Variants in CELSR2 observed in about 807,000 individuals in gnomAD.
CELSR2 encodes the protein EGF-like protein 2.
Under a neutral mutation model 251.6 loss-of-function variants are expected in CELSR2, and 81 were observed. That is an observed-to-expected ratio of 0.32 (90% CI 0.27 to 0.39). The LOEUF (loss-of-function observed/expected upper bound fraction) is 0.39. Ranked by LOEUF, CELSR2 falls within the 10% of genes least tolerant of loss-of-function variation. The pLI, the probability that CELSR2 is intolerant of heterozygous loss-of-function variation, is 1.00. For missense variants in CELSR2, 3,365 were observed against 3,947.7 expected, an observed-to-expected ratio of 0.85 and a Z score of 3.96; for synonymous variants, 1,721 against 1,670.5, an observed-to-expected ratio of 1.03 and a Z score of -0.74.
chr1:109,266,238 G>T, intron 15 of CELSR2, 32 bp downstream of exon 15: 1 of 1,610,898 alleles, frequency 6.2e-7, no homozygotes. Flanking sequence ...GTGATGTCGA[G>T]GACATGGCCT....
chr1:109,250,832 C>T lies in CELSR2; in HGVS notation c.753C>T (p.Thr251=), dbSNP rs1432392172. ...VTTAEELDRE[T]KSTHVFRVTA... is the part of the protein sequence containing the mutation. The stretch of plus-strand genomic sequence containing the variant: ...CAGCCGAGGAGCTGGATCGTGAGAC[C>T]AAGAGCACCCACGTCTTCAGGGTCA... Residue 251 remains threonine (T), a synonymous_variant, in exon 1 of 34, where the codon ACC becomes ACT. Transcript: ENST00000271332. This position sits in a 1 kb window ranked among gnomAD's most constrained non-coding sequence, Gnocchi z 4.4. The T allele has an allele frequency of 6.2e-7, 1 of 1,614,054 alleles. No homozygotes were observed. Among genetic ancestry groups the T allele is most frequent in the East Asian group, 2.2e-5 (1 of 44,892 alleles).
Position 109,273,222 on chromosome 1 carries a change from A to C in CELSR2, c.8395A>C (p.Lys2799Gln). ...GCCAGGAGACTTTGGGACCACAGCA[A>C]AAGAGAGTAGTGGCAACGGGGCCCC... is the stretch of plus-strand genomic sequence containing the variant. ...PWPGDFGTTA[K>Q]ESSGNGAPEE... The change falls in exon 32 of 34, where the codon AAA (lysine) becomes CAA (glutamine). Residue 2799 changes from lysine to glutamine, a missense_variant. Coordinates refer to ENST00000271332, the MANE Select transcript of CELSR2 (RefSeq NM_001408.3). 1 of 1,613,660 alleles carries C rather than the reference A, an allele frequency of 6.2e-7. No individual in the cohort carries two copies. Among genetic ancestry groups the C allele is most frequent in the Non-Finnish European group, 8.5e-7 (1 of 1,179,838 alleles).
rs367692871 is a variant in CELSR2, at chr1:109,273,468, A to T, written c.8542A>T (p.Ser2848Cys). 7.3e-5 allele frequency: 118 copies of T among 1,612,252 alleles called. No individual in the cohort carries two copies. Among genetic ancestry groups the T allele is most frequent in the Non-Finnish European group, 9.7e-5 (114 of 1,179,528 alleles). ...ILKKKCLPTI[S>C]EKSSLLRLPL... ...TAAGAAGAAGTGTCTGCCCACCATC[A>T]GCGAGAAGAGCAGCCTCCTGCGGCT... Residue 2848 changes from serine to cysteine, a missense_variant, in exon 33 of 34, where the codon AGC becomes TGC. Physicochemically the swap from Ser to Cys is moderately radical, Grantham distance 112 (BLOSUM62 -1). Transcript: ENST00000271332.
At position 109,253,200 on chromosome 1, in the gene CELSR2, T is replaced by C; in HGVS notation, c.3121T>C (p.Phe1041Leu). The stretch of plus-strand genomic sequence containing the variant: ...CTATGTCACCAATCGCTCAAGCAGC[T>C]TCCCTGGGGGTGCCATTGGCCGAGT... ...NNYVTNRSSS[F>L]PGGAIGRVPA... The change falls in exon 1 of 34, where the codon TTC (phenylalanine) becomes CTC (leucine). Residue 1041 changes from phenylalanine to leucine, a missense_variant. Physicochemically the swap from Phe to Leu is conservative, Grantham distance 22. Around this residue, in one of 5 missense-constraint regions of CELSR2, gnomAD observed 505 missense variants for 660.0 expected, o/e 0.77. Transcript: ENST00000271332. 2 of 1,613,610 alleles carry C rather than the reference T, an allele frequency of 1.2e-6. No homozygotes were observed. Among genetic ancestry groups the C allele is most frequent in the Non-Finnish European group, 1.7e-6 (2 of 1,180,034 alleles).
Position 109,270,607 on chromosome 1 carries a change from C to T in CELSR2, c.7483+7C>T. The T allele has an allele frequency of 6.2e-7, 1 of 1,611,314 alleles. No homozygotes were observed. Among genetic ancestry groups the T allele is most frequent in the Non-Finnish European group, 8.5e-7 (1 of 1,178,718 alleles). On this transcript the variant is annotated splice_region_variant and intron_variant, in intron 24 of 33. Transcript: ENST00000271332. Reference sequence around the variant, plus strand: ...GTGCCTGCCTTCATCACAGGTACTCCCACCCATTCCCAGTCTTGGGGTCCC... The same window carrying T: ...GTGCCTGCCTTCATCACAGGTACTCTCACCCATTCCCAGTCTTGGGGTCCC...
chr1:109,269,354 AG>A lies in CELSR2; in HGVS notation c.6813-65del. ...TCGGGCGGTGAGTGCTGAGGCATGGAGGGGGTCGGGGGCGTCTCCCCAGTCA... is the reference window on the plus strand; with the variant it reads ...TCGGGCGGTGAGTGCTGAGGCATGGAGGGGTCGGGGGCGTCTCCCCAGTCA... On this transcript the variant is annotated intron_variant, in intron 20 of 33. Transcript: ENST00000271332. The surrounding 1 kb of genome is among the most constrained non-coding windows in gnomAD (Gnocchi z 6.4). 4 of 1,609,222 alleles carry A rather than the reference AG, an allele frequency of 2.5e-6. No homozygotes were observed. The highest frequency in any genetic ancestry group is 3.4e-6 in the Non-Finnish European group (4 of 1,177,520).
In CELSR2 at chr1:109,269,120, C is replaced by T. The variant is rs369285532; in HGVS notation, c.6642C>T (p.Pro2214=). ...LPESVFRETP[P]VVRPAGPGEA... is the part of the protein sequence containing the mutation. ...AGTGTCCCCTCCCAGAGACGCCCCC[C>T]GTGGTCAGGCCCGCAGGCCCCGGAG... The change falls in exon 20 of 34, where the codon CCC becomes CCT. Residue 2214 remains proline, a synonymous_variant. Coordinates refer to ENST00000271332, the MANE Select transcript of CELSR2 (RefSeq NM_001408.3). This position sits in a 1 kb window ranked among gnomAD's most constrained non-coding sequence, Gnocchi z 6.4. 159 of 1,601,132 alleles carry T rather than the reference C, an allele frequency of 9.9e-5. No homozygotes were observed. Among genetic ancestry groups the T allele is most frequent in the Middle Eastern group, 6.6e-4 (4 of 6,026 alleles).
At position 109,249,761 on chromosome 1, in the gene CELSR2, C is replaced by G. The variant is rs1398041965; in HGVS notation, c.-319C>G. Among the ~76,000 whole-genome samples, 1 of 149,544 alleles carries G rather than the reference C, an allele frequency of 6.7e-6. No individual in the cohort carries two copies. Among genetic ancestry groups the G allele is most frequent in the Admixed American group, 6.7e-5 (1 of 15,026 alleles). Reference sequence around the variant, plus strand: ...CACCCCGGCTCCGGAACCCGGGGCCCGGCAAGGCCAGGGGCGCCGCGGGGC... The same window carrying G: ...CACCCCGGCTCCGGAACCCGGGGCCGGGCAAGGCCAGGGGCGCCGCGGGGC... On this transcript the variant is annotated 5_prime_UTR_variant, in exon 1 of 34. Coordinates refer to ENST00000271332, the MANE Select transcript of CELSR2 (RefSeq NM_001408.3).
At chr1:109,264,685 G>A in intron 11 of CELSR2, 57 bp downstream of exon 11, 2 of 1,591,022 alleles carry the variant, frequency 1.3e-6, no homozygotes, top group Non-Finnish European at 1.7e-6. Flanking sequence ...GCCACATGCT[G>A]GCTCTGCTGT....
chr1:109,269,116 C>A lies in CELSR2; in HGVS notation c.6638C>A (p.Pro2213His). 1 of 1,600,382 alleles carries A rather than the reference C, an allele frequency of 6.2e-7. No individual in the cohort carries two copies. Among genetic ancestry groups the A allele is most frequent in the Non-Finnish European group, 8.5e-7 (1 of 1,172,906 alleles). The change falls in exon 20 of 34, where the codon CCC (proline) becomes CAC (histidine). Residue 2213 changes from proline (P) to histidine (H), a missense_variant. Physicochemically the swap from Pro to His is moderately conservative, Grantham distance 77. Coordinates refer to ENST00000271332, the MANE Select transcript of CELSR2 (RefSeq NM_001408.3). The surrounding 1 kb of genome is among the most constrained non-coding windows in gnomAD (Gnocchi z 6.4). ...ILPESVFRET[P>H]PVVRPAGPGE... ...TGACAGTGTCCCCTCCCAGAGACGC[C>A]CCCCGTGGTCAGGCCCGCAGGCCCC...
chr1:109,269,175 C>A lies in CELSR2; in HGVS notation c.6697C>A (p.Arg2233=). ...EAQEPEELAR[R]QRRHPELSQG... The stretch of plus-strand genomic sequence containing the variant: ...CCAGGAGCCAGAGGAGCTGGCACGG[C>A]GACAGCGACGGCACCCGGAGCTGAG... The change falls in exon 20 of 34, where the codon CGA becomes AGA. Residue 2233 remains arginine (R), a synonymous_variant. Coordinates refer to ENST00000271332, the MANE Select transcript of CELSR2 (RefSeq NM_001408.3). The surrounding 1 kb of genome is among the most constrained non-coding windows in gnomAD (Gnocchi z 6.4). The A allele has an allele frequency of 6.2e-7, 1 of 1,612,048 alleles. No homozygotes were observed. Among genetic ancestry groups the A allele is most frequent in the Middle Eastern group, 1.7e-4 (1 of 6,054 alleles).
chr1:109,267,508 T>C (rs935594139), intron 15 of CELSR2, 40 bp from the exon 16 acceptor site: 1 of 1,585,318 alleles, frequency 6.3e-7, no homozygotes, highest in African/African-American at 1.3e-5. Flanking sequence ...GCTTCCTGTG[T>C]GTCTCCCTGA....
intron 1 of CELSR2, among the ~76,000 whole-genome samples, chr1:109,256,686 G>A (rs1042466783): frequency 2.3e-4 from 35 of 152,050 alleles, no homozygotes; most frequent in African/African-American, 8.2e-4. Context: ...CTGTCACCCA[G>A]GCTGGAGTAC....
chr1:109,261,989 C>G lies in CELSR2; in HGVS notation c.4386+93C>G. 1 of 1,345,802 alleles carries G rather than the reference C, an allele frequency of 7.4e-7. No homozygotes were observed. The highest frequency in any genetic ancestry group is 1.0e-6 in the Non-Finnish European group (1 of 962,804). 83.4% of individuals were successfully genotyped at this position (1,345,802 alleles called of 1,614,324 possible). A position where few individuals can be genotyped will look rare whatever the true frequency, so the allele number is the denominator to read the frequency against. ...GGCATTGCCTCCAGGCTTGGGTGGG[C>G]TGGTCAGGGCATTTCTGGCTGAGAG... On this transcript the variant is annotated intron_variant, in intron 5 of 33. Coordinates refer to ENST00000271332, the MANE Select transcript of CELSR2 (RefSeq NM_001408.3). This position sits in a 1 kb window ranked among gnomAD's most constrained non-coding sequence, Gnocchi z 4.8.
In CELSR2 at chr1:109,253,291, G is replaced by T; in HGVS notation, c.3212G>T (p.Ser1071Ile). The T allele has an allele frequency of 6.2e-7, 1 of 1,613,472 alleles. No individual in the cohort carries two copies. The highest frequency in any genetic ancestry group is 8.5e-7 in the Non-Finnish European group (1 of 1,180,046). The change falls in exon 1 of 34, where the codon AGC becomes ATC. Residue 1071 changes from serine (S) to isoleucine (I), a missense_variant. By Grantham distance (142) the Ser-to-Ile change is moderately radical. This residue lies in a region of CELSR2 where 505 missense variants were observed against 660.0 expected (regional missense o/e 0.77). Coordinates refer to ENST00000271332, the MANE Select transcript of CELSR2 (RefSeq NM_001408.3). ...TYSFERGNEL[S>I]LVLLNASTGE... Reference sequence around the variant, plus strand: ...AGCTTTGAGCGGGGAAATGAACTCAGCCTGGTCCTGCTCAATGCCTCCACG... The same window carrying T: ...AGCTTTGAGCGGGGAAATGAACTCATCCTGGTCCTGCTCAATGCCTCCACG...
intron 17 of CELSR2, among the ~76,000 whole-genome samples, chr1:109,268,326 C>T (rs1301601434): frequency 6.6e-6 from 1 of 152,214 alleles, no homozygotes; most frequent in Non-Finnish European, 1.5e-5. Flanking sequence ...AGCAGTATCT[C>T]AGGACATGTG....
chr1:109,259,778 C>T (rs592360), intron 2 of CELSR2, among the ~76,000 whole-genome samples: 21,737 of 152,134 alleles, frequency 0.14, 2,146 homozygotes, highest in African/African-American at 0.28. Context: ...GCTCCGCCTC[C>T]GCCCAGCTGC....
chr1:109,270,662 T>C lies in CELSR2; in HGVS notation c.7483+62T>C. On this transcript the variant is annotated intron_variant, in intron 24 of 33. Coordinates refer to ENST00000271332, the MANE Select transcript of CELSR2 (RefSeq NM_001408.3). ...CCCTGGGTCCACCTTTGTGCCATGTTCTCTCCACCCACATACAGGCCCTGA... is the reference window on the plus strand; with the variant it reads ...CCCTGGGTCCACCTTTGTGCCATGTCCTCTCCACCCACATACAGGCCCTGA... 6 of 1,568,080 alleles carry C rather than the reference T, an allele frequency of 3.8e-6. No homozygotes were observed. The South Asian group carries it at 6.9e-5, about 18-fold the overall frequency.
At chr1:109,268,294 G>A (rs1434852240) in intron 17 of CELSR2, among the ~76,000 whole-genome samples, 2 of 152,258 alleles carry the variant, frequency 1.3e-5, no homozygotes, top group Non-Finnish European at 2.9e-5. Context: ...AGGCCTGCCT[G>A]TGGTACCATG....
Sources: gnomAD v4.1 joint callset for allele counts (sites outside exome capture counted in the v4.1 genomes callset) on GRCh38, gnomAD v4.1.1 for gene constraint, gnomAD v4.1.1 regional missense constraint, Gnocchi (gnomAD v3.1) non-coding constraint, MANE v1.5 for transcripts, NCBI Gene and HGNC (gene_info 2026-07-23, HGNC 2026-07-21) for gene names.